Variants in ELAVL4 observed in about 807,000 individuals in gnomAD.
ELAVL4 encodes ELAV like RNA binding protein 4, also known as ELAV-like protein 4.
In ELAVL4, 1 loss-of-function variant was observed where a neutral mutation model predicts 35.6. The observed-to-expected ratio is 0.03, with a 90% CI of 0.01 to 0.13. The LOEUF (loss-of-function observed/expected upper bound fraction) is 0.13, where lower values mean the gene tolerates loss of function less well. Ranked by LOEUF, ELAVL4 falls within the 10% of genes least tolerant of loss-of-function variation. ELAVL4 has a pLI of 1.00. For missense variants in ELAVL4, 267 were observed against 464.9 expected (o/e 0.57, Z 3.91); for synonymous variants, 156 against 171.0 (o/e 0.91, Z 0.69).
intron 2 of ELAVL4, among the ~76,000 whole-genome samples, chr1:50,161,474 C>G (rs1002291025): frequency 6.6e-6 from 1 of 152,078 alleles, no homozygotes; most frequent in Non-Finnish European, 1.5e-5. Flanking sequence ...CTTAGAATAT[C>G]TTTTCCTTTT....
chr1:50,096,451 G>A (rs915574673), intron 1 of ELAVL4, among the ~76,000 whole-genome samples: 2 of 150,142 alleles, frequency 1.3e-5, no homozygotes, highest in Non-Finnish European at 3.0e-5. Flanking sequence ...AGAATAGATG[G>A]TCATATCTAG....
chr1:50,097,304 G>T (rs780893325), intron 1 of ELAVL4, among the ~76,000 whole-genome samples: 2 of 152,134 alleles, frequency 1.3e-5, no homozygotes, highest in Non-Finnish European at 2.9e-5. Context: ...CTTTGAGGCA[G>T]ATTTAAAAAT....
intron 2 of ELAVL4, among the ~76,000 whole-genome samples, chr1:50,156,858 C>T (rs568663154): frequency 6.6e-6 from 1 of 152,218 alleles, no homozygotes; most frequent in South Asian, 2.1e-4. Context: ...TGTGGCTGTA[C>T]ATTGTATTCC....
At chr1:50,095,603 TATAG>T (rs1275260989) in intron 1 of ELAVL4, among the ~76,000 whole-genome samples, 1 of 152,174 alleles carries the variant, frequency 6.6e-6, no homozygotes, top group African/African-American at 2.4e-5. Context: ...TCACTGCCTA[TATAG>T]ATACTCTGTT....
At chr1:50,107,184 G>A (rs1163275071), upstream of ELAVL4, among the ~76,000 whole-genome samples, 1 of 152,180 alleles carries the variant, frequency 6.6e-6, no homozygotes, top group African/African-American at 2.4e-5. Context: ...TTCACCCTCA[G>A]TACACAGTTC....
intron 1 of ELAVL4, among the ~76,000 whole-genome samples, chr1:50,075,341 G>A (rs1430888612): frequency 6.6e-6 from 1 of 152,156 alleles, no homozygotes; most frequent in African/African-American, 2.4e-5. Context: ...TGAAAATTTT[G>A]AAGCATACAT....
intron 1 of ELAVL4, among the ~76,000 whole-genome samples, chr1:50,139,808 A>G (rs1281681972): frequency 6.6e-6 from 1 of 152,150 alleles, no homozygotes; most frequent in East Asian, 1.9e-4. Context: ...ATGATCCGGC[A>G]GCTGCACGTC....
At chr1:50,099,017 T>C (rs989995801), upstream of ELAVL4, among the ~76,000 whole-genome samples, 4 of 152,252 alleles carry the variant, frequency 2.6e-5, no homozygotes, top group Admixed American at 2.6e-4. Context: ...AGGAAAGGGC[T>C]TTTTATAATA....
chr1:50,108,457 T>A (rs1666549471), upstream of ELAVL4, among the ~76,000 whole-genome samples: 1 of 152,178 alleles, frequency 6.6e-6, no homozygotes, highest in Admixed American at 6.5e-5. Flanking sequence ...CCTTTAAGCC[T>A]ACAGGCAGAT....
chr1:50,109,697 C>A, intron 1 of ELAVL4: 1 of 529,162 alleles, frequency 1.9e-6, no homozygotes, highest in South Asian at 2.1e-5. Flanking sequence ...ACTGCGCAGT[C>A]AAAACGGCAA....
At chr1:50,096,276 T>C (rs760741884) in intron 1 of ELAVL4, among the ~76,000 whole-genome samples, 2 of 151,438 alleles carry the variant, frequency 1.3e-5, no homozygotes, top group African/African-American at 2.4e-5. Context: ...TGCTCTGACA[T>C]GAGTTCTGTG....
chr1:50,092,345 G>A (rs1336884670), intron 1 of ELAVL4, among the ~76,000 whole-genome samples: 1 of 152,158 alleles, frequency 6.6e-6, no homozygotes. Context: ...GGCATCCCAG[G>A]CGAGACACCA....
chr1:50,172,607 G>A (rs1420783916), intron 2 of ELAVL4, among the ~76,000 whole-genome samples: 3 of 152,130 alleles, frequency 2.0e-5, no homozygotes, highest in African/African-American at 7.2e-5. Flanking sequence ...CTACACAATG[G>A]CAGAGTTGTC....
At chr1:50,103,365 A>G (rs933243121), upstream of ELAVL4, among the ~76,000 whole-genome samples, 6 of 152,188 alleles carry the variant, frequency 3.9e-5, no homozygotes, top group Admixed American at 1.3e-4. Flanking sequence ...AGTCTGGTGC[A>G]TCTTTCTTGC....
In ELAVL4 at chr1:50,201,101, G is replaced by A. The variant is rs17853531; in HGVS notation, c.1024G>A (p.Ala342Thr). The A allele has an allele frequency of 9.3e-6, 15 of 1,613,850 alleles. No homozygotes were observed. The highest frequency in any genetic ancestry group is 1.3e-5 in the African/African-American group (1 of 74,886). The change falls in exon 7 of 7, where the codon GCC becomes ACC. Residue 342 changes from alanine to threonine, a missense_variant. By Grantham distance (58) the Ala-to-Thr change is moderately conservative. This residue lies in a region of ELAVL4 where 216 missense variants were observed against 409.5 expected (regional missense o/e 0.53). Coordinates refer to ENST00000371824, the MANE Select transcript of ELAVL4 (RefSeq NM_001144774.3). The surrounding 1 kb of genome is among the most constrained non-coding windows in gnomAD (Gnocchi z 4.3). ...CTATGATGAGGCGGCCATGGCCATC[G>A]CCAGCCTCAACGGGTACCGCCTGGG... ...TNYDEAAMAI[A>T]SLNGYRLGDR... is the part of the protein sequence containing the mutation.
intron 3 of ELAVL4, among the ~76,000 whole-genome samples, chr1:50,190,124 A>G (rs1490998995): frequency 6.6e-6 from 1 of 152,240 alleles, no homozygotes; most frequent in Non-Finnish European, 1.5e-5. Flanking sequence ...GAAGGAGGTC[A>G]GTGCTGGCCT....
At chr1:50,095,301 TG>T (rs1259534837) in intron 1 of ELAVL4, among the ~76,000 whole-genome samples, 2 of 152,136 alleles carry the variant, frequency 1.3e-5, no homozygotes, top group Non-Finnish European at 2.9e-5. Flanking sequence ...AGGAACTGCG[TG>T]GGTGTGGGGT....
intron 3 of ELAVL4, 127 bp downstream of exon 3, chr1:50,177,319 A>T (rs1279825657): frequency 1.4e-6 from 1 of 713,906 alleles, no homozygotes; most frequent in Non-Finnish European, 2.4e-6. Context: ...AACATTTACC[A>T]TCCACTATAC....
intron 2 of ELAVL4, among the ~76,000 whole-genome samples, chr1:50,159,513 G>A (rs1489045834): frequency 6.6e-6 from 1 of 152,026 alleles, no homozygotes; most frequent in Admixed American, 6.6e-5. Context: ...GGGGACTGAG[G>A]CACGAGAATC....
Sources: gnomAD v4.1 joint callset for allele counts (sites outside exome capture counted in the v4.1 genomes callset) on GRCh38, gnomAD v4.1.1 for gene constraint, gnomAD v4.1.1 regional missense constraint, Gnocchi (gnomAD v3.1) non-coding constraint, MANE v1.5 for transcripts, NCBI Gene and HGNC (gene_info 2026-07-23, HGNC 2026-07-21) for gene names.